The following PDE5A variants were observed in gnomAD, a reference collection of about 807,000 sequenced individuals.
The protein encoded by PDE5A is cGMP-specific 3',5'-cyclic phosphodiesterase.
Under a neutral mutation model 110.2 loss-of-function variants are expected in PDE5A, and 67 were observed. That is an observed-to-expected ratio of 0.61 (90% CI 0.50 to 0.75). The LOEUF is 0.75. Among genes scored for constraint, PDE5A ranks in the 30% least tolerant of loss-of-function variants. The probability of loss-of-function intolerance (pLI) is 0.00; values close to 1 mark genes in which losing one functional copy is unlikely to be tolerated. For missense variants in PDE5A, 862 were observed against 1,045.1 expected (o/e 0.82, Z 2.42); for synonymous variants, 328 against 351.2 (o/e 0.93, Z 0.74).
intron 3 of PDE5A, among the ~76,000 whole-genome samples, chr4:119,568,269 G>GA (rs1217162020): frequency 6.6e-6 from 1 of 151,818 alleles, no homozygotes. Context: ...TTTAGCTCTT[G>GA]AAAAGAGTGG....
At chr4:119,548,313 G>C (rs1297456281) in intron 9 of PDE5A, 5 of 152,086 alleles carry the variant, frequency 3.3e-5, no homozygotes. Flanking sequence ...CTCCCAAAGT[G>C]CTGGGATTAC....
At chr4:119,528,673 T>C (rs1726414787) in intron 11 of PDE5A, 1 of 152,148 alleles carries the variant, frequency 6.6e-6, no homozygotes, top group Non-Finnish European at 1.5e-5. Flanking sequence ...AGAAGGAAGT[T>C]GGAGTAGACT....
rs1244050328 is a variant in PDE5A, at chr4:119,494,891, A to C, written c.*3710T>G. 1 of 152,588 alleles carries C rather than the reference A, an allele frequency of 6.6e-6. No individual in the cohort carries two copies. The highest frequency in any genetic ancestry group is 1.5e-5 in the Non-Finnish European group (1 of 68,026). The allele number at this position is 152,588 out of a possible 1,614,324, so 9.5% of individuals were successfully genotyped here. A position where few individuals can be genotyped will look rare whatever the true frequency, so the allele number is the denominator to read the frequency against. On this transcript the variant is annotated 3_prime_UTR_variant, in exon 21 of 21. Transcript: ENST00000354960. ...TATATGGAATGGTAAAGTGAGCTTT[A>C]ATACTTTCTTCTTCACTCTCTGTAG... is the stretch of plus-strand genomic sequence containing the variant.
At chr4:119,611,259 T>C (rs1198468136) in intron 1 of PDE5A, among the ~76,000 whole-genome samples, 3 of 152,228 alleles carry the variant, frequency 2.0e-5, no homozygotes, top group African/African-American at 7.2e-5. Context: ...TGTTGTTATA[T>C]CATCTATCCC....
intron 1 of PDE5A, chr4:119,628,079 G>T: frequency 1.0e-6 from 1 of 981,288 alleles, no homozygotes; most frequent in Non-Finnish European, 1.2e-6. Context: ...CAGGGCCAGG[G>T]CGAGGGGGGA....
intron 1 of PDE5A, among the ~76,000 whole-genome samples, chr4:119,616,084 C>T (rs1036426933): frequency 6.6e-6 from 1 of 152,172 alleles, no homozygotes; most frequent in African/African-American, 2.4e-5. Context: ...AGTTGTATTA[C>T]ATACCCTTTT....
chr4:119,527,756 T>C (rs1346003223), intron 11 of PDE5A, among the ~76,000 whole-genome samples: 1 of 152,130 alleles, frequency 6.6e-6, no homozygotes, highest in Non-Finnish European at 1.5e-5. Flanking sequence ...GGGGATTTTA[T>C]TATTGCATTA....
intron 18 of PDE5A, among the ~76,000 whole-genome samples, chr4:119,503,810 ATAT>A (rs1469908412): frequency 2.6e-5 from 4 of 152,114 alleles, no homozygotes; most frequent in African/African-American, 7.2e-5. Context: ...TATCTTACAA[ATAT>A]TATGTGCAAA....
intron 1 of PDE5A, among the ~76,000 whole-genome samples, chr4:119,624,621 T>C (rs1188829421): frequency 2.6e-5 from 4 of 152,228 alleles, no homozygotes; most frequent in Admixed American, 1.3e-4. Context: ...AGCTTTTGCC[T>C]GTACAAAACA....
At position 119,606,689 on chromosome 4, in the gene PDE5A, T is replaced by C. The variant is rs201570134; in HGVS notation, c.741+20A>G. 17 of 1,588,066 alleles carry C rather than the reference T, an allele frequency of 1.1e-5. No individual in the cohort carries two copies. Among genetic ancestry groups the C allele is most frequent in the Non-Finnish European group, 1.3e-5 (15 of 1,157,772 alleles). ...GTCCCCTCCCCAGCACTGGTCCTGC[T>C]CTCATGCTCCCCTGTTTACCTCATA... is the stretch of plus-strand genomic sequence containing the variant. On this transcript the variant is annotated intron_variant, in intron 2 of 20. Transcript: ENST00000354960.
chr4:119,544,065 A>G (rs1031879734), intron 9 of PDE5A, among the ~76,000 whole-genome samples: 1 of 152,194 alleles, frequency 6.6e-6, no homozygotes, highest in African/African-American at 2.4e-5. Context: ...TCTGACTGTA[A>G]CTAGTTTCCC....
At chr4:119,536,698 T>C (rs913359506) in intron 11 of PDE5A, among the ~76,000 whole-genome samples, 1 of 152,152 alleles carries the variant, frequency 6.6e-6, no homozygotes, top group African/African-American at 2.4e-5. Context: ...TTCTTACTCA[T>C]GGATTTAACT....
rs765336461 is a variant in PDE5A at position 119,562,977 on chromosome 4, A to C, written c.994-7T>G. The C allele has an allele frequency of 4.5e-6, 7 of 1,551,360 alleles. No individual in the cohort carries two copies. In the Admixed American group the frequency reaches 8.9e-5, roughly 20 times the overall value. ...TAGCAAGGTCAAGCAGCACCTAGACAAAAAAATTAGGAGCTCATTATTTAG... is the reference window on the plus strand; with the variant it reads ...TAGCAAGGTCAAGCAGCACCTAGACCAAAAAATTAGGAGCTCATTATTTAG... On this transcript the variant is annotated splice_region_variant and splice_polypyrimidine_tract_variant and intron_variant, in intron 5 of 20. Coordinates refer to ENST00000354960, the MANE Select transcript of PDE5A (RefSeq NM_001083.4).
rs1726286585 is a variant in PDE5A, at chr4:119,525,631, A to T, written c.1697T>A (p.Leu566Gln). 8 of 1,613,388 alleles carry T rather than the reference A, an allele frequency of 5.0e-6. No individual in the cohort carries two copies. Among genetic ancestry groups the T allele is most frequent in the Non-Finnish European group, 6.8e-6 (8 of 1,179,494 alleles). ...ACACAGTGCTGTTTCCAGATCAGAC[A>T]GCTCAAAGTCACTGAAGCTAAAGTC... ...ITDFSFSDFE[L>Q]SDLETALCTI... Residue 566 changes from leucine to glutamine, a missense_variant, in exon 12 of 21, where the codon CTG becomes CAG. Leu to Gln is a moderately radical substitution (Grantham distance 113, BLOSUM62 -2). Transcript: ENST00000354960. The surrounding 1 kb of genome is among the most constrained non-coding windows in gnomAD (Gnocchi z 4.3).
At position 119,538,983 on chromosome 4, in the gene PDE5A, T is replaced by C. The variant is rs1229757884; in HGVS notation, c.1609A>G (p.Thr537Ala). Residue 537 changes from threonine to alanine, a missense_variant, in exon 11 of 21, where the codon ACA becomes GCA. By Grantham distance (58) the Thr-to-Ala change is moderately conservative. Transcript: ENST00000354960. ...ACCGCTAACGACTGTAGCTCTCTTG[T>C]TTCTTCCTCTGCTGCTGAAGCATGA... ...SYHASAAEEE[T>A]RELQSLAAAV... 6.2e-6 allele frequency: 10 copies of C among 1,612,802 alleles called. No homozygotes were observed. The highest frequency in any genetic ancestry group is 8.5e-6 in the Non-Finnish European group (10 of 1,178,984).
intron 14 of PDE5A, among the ~76,000 whole-genome samples, chr4:119,511,404 A>C (rs1449691258): frequency 6.6e-6 from 1 of 152,172 alleles, no homozygotes; most frequent in Admixed American, 6.6e-5. Flanking sequence ...AATAGAAGTA[A>C]GGAGTAAAGA....
intron 1 of PDE5A, among the ~76,000 whole-genome samples, chr4:119,616,771 G>C (rs1035713184): frequency 2.0e-5 from 3 of 151,548 alleles, no homozygotes; most frequent in Non-Finnish European, 2.9e-5. Flanking sequence ...TGGAGGTTAG[G>C]AAGCTTAGAA....
chr4:119,512,505 G>C (rs879909010), intron 14 of PDE5A: 2 of 152,082 alleles, frequency 1.3e-5, no homozygotes, highest in Admixed American at 6.6e-5. Flanking sequence ...GAGACTACTG[G>C]GAAACTTCTA....
At chr4:119,580,537 G>A (rs536192034) in intron 3 of PDE5A, among the ~76,000 whole-genome samples, 1 of 152,276 alleles carries the variant, frequency 6.6e-6, no homozygotes, top group South Asian at 2.1e-4. Context: ...TCATAAGGAG[G>A]AAATGGACAT....
Sources: allele counts gnomAD v4.1 joint callset (sites outside exome capture counted in the v4.1 genomes callset), GRCh38; gene constraint gnomAD v4.1.1; non-coding constraint Gnocchi (gnomAD v3.1); transcripts MANE v1.5; gene names NCBI Gene and HGNC (gene_info 2026-07-23, HGNC 2026-07-21).